SETD1A: variants seen among roughly 807,000 people sequenced by gnomAD.
SETD1A encodes the protein SET domain containing 1A, histone lysine methyltransferase, also known as histone-lysine N-methyltransferase SETD1A.
In SETD1A, 29 loss-of-function variants were observed where a neutral mutation model predicts 149.9. The ratio of observed to expected loss-of-function variants is 0.19; its 90% CI spans 0.14 to 0.26. The LOEUF is 0.26. Among genes scored for constraint, SETD1A ranks in the 10% least tolerant of loss-of-function variants. The pLI is 1.00. For synonymous variants in SETD1A, 1,141 were observed against 968.5 expected, an observed-to-expected ratio of 1.18 and a Z score of -3.31; for missense variants, 2,109 against 2,353.1, an observed-to-expected ratio of 0.90 and a Z score of 2.15.
intron 8 of SETD1A, among the ~76,000 whole-genome samples, chr16:30,966,593 G>A (rs1483682943): frequency 6.6e-6 from 1 of 152,220 alleles, no homozygotes; most frequent in African/African-American, 2.4e-5. Flanking sequence ...GCAGAGCTTT[G>A]TCCTGGCTCC....
rs2056431294 is a variant in SETD1A, at chr16:30,984,576, C to T, written c.*553C>T. 6.3e-6 allele frequency: 1 copy of T among 159,478 alleles called. No individual in the cohort carries two copies. The highest frequency in any genetic ancestry group is 1.4e-5 in the Non-Finnish European group (1 of 71,780). 9.9% of individuals were successfully genotyped at this position (159,478 alleles called of 1,614,324 possible). ...GCCAGGCCAGGATGGCGGGGTGGGT[C>T]CCTTTTGCTGGGCTGGACTGTACAT... On this transcript the variant is annotated 3_prime_UTR_variant, in exon 19 of 19. Coordinates refer to ENST00000262519, the MANE Select transcript of SETD1A (RefSeq NM_014712.3).
At chr16:30,973,990 G>C (rs1596685859) in intron 13 of SETD1A, among the ~76,000 whole-genome samples, 1 of 152,190 alleles carries the variant, frequency 6.6e-6, no homozygotes, top group African/African-American at 2.4e-5. Flanking sequence ...ATTCTAGCAG[G>C]AGGAGGAGAG....
rs773190492 is a variant in SETD1A, at chr16:30,969,461, A to T, written c.2927A>T (p.Lys976Met). ...EEASQESSSE[K>M]DEEDDEEDEE... ...GCATCCCAGGAGTCCTCCTCGGAGA[A>T]GGTGAGGGCCCGGGCGCCGGCTCCT... The change falls in exon 11 of 19, where the codon AAG becomes ATG. Residue 976 changes from lysine to methionine, a missense_variant and splice_region_variant. Physicochemically the swap from Lys to Met is moderately conservative, Grantham distance 95. Transcript: ENST00000262519. 7 of 1,609,418 alleles carry T rather than the reference A, an allele frequency of 4.3e-6. No individual in the cohort carries two copies. Among genetic ancestry groups the T allele is most frequent in the Non-Finnish European group, 5.1e-6 (6 of 1,177,704 alleles).
In SETD1A at chr16:30,979,216, G is replaced by GGCC; in HGVS notation, c.3430_3431insGCC (p.Ala1144delinsGlyPro). The GGCC allele has an allele frequency of 6.4e-7, 1 of 1,551,730 alleles. No homozygotes were observed. ...ACCACCTGCTGGGCCCCCGGCCCCT[G>GGCC]CCCCACGCCCCGATGAGCGTCCCTC... On this transcript the variant is annotated protein_altering_variant, in exon 14 of 19. Coordinates refer to ENST00000262519, the MANE Select transcript of SETD1A (RefSeq NM_014712.3).
At chr16:30,971,201 C>T (rs756462468) in intron 12 of SETD1A, among the ~76,000 whole-genome samples, 177 bp from the exon 13 acceptor site, 5 of 152,172 alleles carry the variant, frequency 3.3e-5, no homozygotes, top group Admixed American at 6.5e-5. Flanking sequence ...CCATCCTCCC[C>T]GCATGCTGAT....
At chr16:30,973,609 C>T (rs552661591) in intron 13 of SETD1A, among the ~76,000 whole-genome samples, 2 of 152,262 alleles carry the variant, frequency 1.3e-5, no homozygotes, top group African/African-American at 2.4e-5. Flanking sequence ...GAGCAGAGAT[C>T]ATGCCACTGC....
At chr16:30,981,719 C>T (rs2056380796) in intron 17 of SETD1A, among the ~76,000 whole-genome samples, 1 of 152,206 alleles carries the variant, frequency 6.6e-6, no homozygotes, top group Non-Finnish European at 1.5e-5. Context: ...GGAGGACAGG[C>T]ACTGAACAAG....
At chr16:30,963,373 CA>C (rs1646162873) in intron 4 of SETD1A, 59 bp from the exon 5 acceptor site, 1 of 1,466,366 alleles carries the variant, frequency 6.8e-7, no homozygotes, top group South Asian at 1.3e-5. Flanking sequence ...GCAGGAATAC[CA>C]GATCAGGAAG....
At position 30,967,026 on chromosome 16, in the gene SETD1A, G is replaced by A; in HGVS notation, c.2648G>A (p.Gly883Glu). 1 of 1,598,886 alleles carries A rather than the reference G, an allele frequency of 6.3e-7. No homozygotes were observed. Among genetic ancestry groups the A allele is most frequent in the Non-Finnish European group, 8.5e-7 (1 of 1,173,806 alleles). ...TGIEAFAFGS[G>E]LRGALRLPSF... Reference sequence around the variant, plus strand: ...ATCGAGGCTTTCGCCTTTGGGTCAGGGCTGAGAGGGGCCCTGCGGCTGCCT... The same window carrying A: ...ATCGAGGCTTTCGCCTTTGGGTCAGAGCTGAGAGGGGCCCTGCGGCTGCCT... Residue 883 changes from glycine (G) to glutamate (E), a missense_variant, in exon 9 of 19, where the codon GGG becomes GAG. Transcript: ENST00000262519.
rs1408830153 is a variant in SETD1A at position 30,963,506 on chromosome 16, C to T, written c.591C>T (p.Gly197=). ...SYTPQTVPTG[G]KALSEKFQGS... ...CCCCTCAGACTGTGCCCACTGGGGGCAAGGCCCTGAGTGAGAAGTTCCAAG... is the reference window on the plus strand; with the variant it reads ...CCCCTCAGACTGTGCCCACTGGGGGTAAGGCCCTGAGTGAGAAGTTCCAAG... The change falls in exon 5 of 19, where the codon GGC becomes GGT. Residue 197 remains glycine, a synonymous_variant. Coordinates refer to ENST00000262519, the MANE Select transcript of SETD1A (RefSeq NM_014712.3). 1.2e-6 allele frequency: 2 copies of T among 1,613,594 alleles called. No homozygotes were observed. Among genetic ancestry groups the T allele is most frequent in the East Asian group, 4.5e-5 (2 of 44,848 alleles).
chr16:30,969,617 G>A lies in SETD1A; in HGVS notation c.2944G>A (p.Glu982Lys), dbSNP rs748403174. ...SSSEKDEEDD[E>K]EDEEDEDREE... Reference sequence around the variant, plus strand: ...TTTTCTTAAGGATGAGGAGGATGACGAGGAAGATGAGGAAGATGAAGATCG... The same window carrying A: ...TTTTCTTAAGGATGAGGAGGATGACAAGGAAGATGAGGAAGATGAAGATCG... Residue 982 changes from glutamate (E) to lysine (K), a missense_variant, in exon 12 of 19, where the codon GAG becomes AAG. Glu to Lys is a moderately conservative substitution (Grantham distance 56). This residue lies in a region of SETD1A where 832 missense variants were observed against 815.6 expected (regional missense o/e 1.02). Transcript: ENST00000262519. 3.7e-6 allele frequency: 6 copies of A among 1,613,740 alleles called. No homozygotes were observed. Among genetic ancestry groups the A allele is most frequent in the Admixed American group, 3.3e-5 (2 of 60,002 alleles).
At chr16:30,981,222 C>G in intron 17 of SETD1A, 42 bp downstream of exon 17, 1 of 1,610,588 alleles carries the variant, frequency 6.2e-7, no homozygotes, top group East Asian at 2.2e-5. Context: ...TCTGATGCAA[C>G]AAGACAGCAT....
At chr16:30,977,377 C>T (rs2056297172) in intron 13 of SETD1A, among the ~76,000 whole-genome samples, 1 of 152,212 alleles carries the variant, frequency 6.6e-6, no homozygotes, top group Non-Finnish European at 1.5e-5. Flanking sequence ...GGCCTCGCCC[C>T]ATGGACCTGA....
At chr16:30,978,040 C>T (rs2056305959) in intron 13 of SETD1A, among the ~76,000 whole-genome samples, 1 of 152,146 alleles carries the variant, frequency 6.6e-6, no homozygotes, top group Non-Finnish European at 1.5e-5. Flanking sequence ...CTTTGGGAGG[C>T]CGAGGCGGGC....
Position 30,966,998 on chromosome 16 carries a change from G to A in SETD1A, c.2620G>A (p.Gly874Ser). Residue 874 changes from glycine (G) to serine (S), a missense_variant, in exon 9 of 19, where the codon GGC (glycine) becomes AGC (serine). Coordinates refer to ENST00000262519, the MANE Select transcript of SETD1A (RefSeq NM_014712.3). ...VDWAKSGGTT[G>S]IEAFAFGSGL... ...CTGGGCCAAGAGCGGGGGCACTACG[G>A]GCATCGAGGCTTTCGCCTTTGGGTC... The A allele has an allele frequency of 6.3e-7, 1 of 1,597,870 alleles. No individual in the cohort carries two copies. The highest frequency in any genetic ancestry group is 8.5e-7 in the Non-Finnish European group (1 of 1,172,968).
At chr16:30,960,585 G>A (rs1308605900) in intron 3 of SETD1A, among the ~76,000 whole-genome samples, 3 of 152,056 alleles carry the variant, frequency 2.0e-5, no homozygotes, top group Admixed American at 6.6e-5. Context: ...TTTCTGTATG[G>A]GAATCTCTTC....
chr16:30,964,411 G>A, intron 6 of SETD1A, 88 bp downstream of exon 6: 1 of 1,344,178 alleles, frequency 7.4e-7, no homozygotes, highest in Non-Finnish European at 1.0e-6. Context: ...TCTCCAAGAG[G>A]GAGTTGGAAA....
rs1420297479 is a variant in SETD1A, at chr16:30,966,131, G to T, written c.2250G>T (p.Leu750=). ...RGAYSREAYH[L]PMPMAAEPLP... ...CATACTCACGGGAGGCCTACCACCT[G>T]CCCATGCCAATGGCAGCCGAGCCCC... Residue 750 remains leucine, a synonymous_variant, in exon 8 of 19, where the codon CTG becomes CTT. Coordinates refer to ENST00000262519, the MANE Select transcript of SETD1A (RefSeq NM_014712.3). 6.2e-7 allele frequency: 1 copy of T among 1,604,026 alleles called. No individual in the cohort carries two copies. Among genetic ancestry groups the T allele is most frequent in the Admixed American group, 1.7e-5 (1 of 59,520 alleles).
At chr16:30,967,377 C>T (rs2056162696) in intron 9 of SETD1A, 124 bp from the exon 10 acceptor site, 1 of 850,140 alleles carries the variant, frequency 1.2e-6, no homozygotes, top group Non-Finnish European at 2.0e-6. Flanking sequence ...TGGTCTTGAA[C>T]TCCTAACCTC....
Sources: allele counts gnomAD v4.1 joint callset (sites outside exome capture counted in the v4.1 genomes callset), GRCh38; gene constraint gnomAD v4.1.1; regional missense constraint gnomAD v4.1.1; transcripts MANE v1.5; gene names NCBI Gene and HGNC (gene_info 2026-07-23, HGNC 2026-07-21).